ABCC8: variants seen among roughly 807,000 people sequenced by gnomAD.
ABCC8 encodes ATP-binding cassette sub-family C member 8.
A neutral mutation model predicts 188.0 loss-of-function variants in ABCC8; 137 were observed. That is an observed-to-expected ratio of 0.73 (90% CI 0.63 to 0.84). ABCC8 has a LOEUF of 0.84. Ranked by LOEUF, ABCC8 falls within the 40% of genes least tolerant of loss-of-function variation. ABCC8 has a pLI of 0.00. For missense variants in ABCC8, 1,750 were observed against 2,072.7 expected, an observed-to-expected ratio of 0.84 and a Z score of 3.02; for synonymous variants, 797 against 846.5, an observed-to-expected ratio of 0.94 and a Z score of 1.01.
Position 17,397,726 on chromosome 11 carries a change from G to T in ABCC8, c.3825C>A (p.Leu1275=), listed in dbSNP as rs1460453587. Residue 1275 remains leucine (L), a synonymous_variant, in exon 31 of 39, where the codon CTC becomes CTA. Transcript: ENST00000389817. ...GGCCCAGGCCCACCAGGCCAGCAGA[G>T]AGCTCCCTGTGCAGGGAGTTGGAGA... ...TSISNSLHRE[L]SAGLVGLGLT... is the part of the protein sequence containing the mutation. 1.2e-6 allele frequency: 2 copies of T among 1,613,792 alleles called. No homozygotes were observed. The highest frequency in any genetic ancestry group is 1.7e-6 in the Non-Finnish European group (2 of 1,180,008).
chr11:17,428,404 G>A lies in ABCC8; in HGVS notation c.1925C>T (p.Pro642Leu), dbSNP rs1386953915. 10 of 1,612,390 alleles carry A rather than the reference G, an allele frequency of 6.2e-6. No individual in the cohort carries two copies. The highest frequency in any genetic ancestry group is 7.6e-6 in the Non-Finnish European group (9 of 1,178,782). Residue 642 changes from proline (P) to leucine (L), a missense_variant and splice_region_variant, in exon 14 of 39, where the codon CCC (proline) becomes CTC (leucine). Pro to Leu is a moderately conservative substitution (Grantham distance 98). Transcript: ENST00000389817. ...ACGCTTGCGGTTCACAACCCTGAGGGGCTGGGGGTGGTTTGGAGGTGAGGA... is the reference window on the plus strand; with the variant it reads ...ACGCTTGCGGTTCACAACCCTGAGGAGCTGGGGGTGGTTTGGAGGTGAGGA... The part of the protein sequence containing the change: ...QGPASKYQAV[P>L]LRVVNRKRPA...
At chr11:17,422,982 A>T (rs1301946613) in intron 16 of ABCC8, among the ~76,000 whole-genome samples, 1 of 151,926 alleles carries the variant, frequency 6.6e-6, no homozygotes, top group East Asian at 1.9e-4. Context: ...CCACATCCGC[A>T]GTGAGCCTCC....
At chr11:17,444,021 A>AAGAGAG (rs112019394) in intron 8 of ABCC8, among the ~76,000 whole-genome samples, 1 of 150,964 alleles carries the variant, frequency 6.6e-6, no homozygotes, top group African/African-American at 2.4e-5. Flanking sequence ...CTTAGCTAAA[A>AAGAGAG]AGAGAGAGAG....
At chr11:17,396,768 GC>G in intron 33 of ABCC8, 147 bp downstream of exon 33, 1 of 1,016,856 alleles carries the variant, frequency 9.8e-7, no homozygotes, top group Non-Finnish European at 1.4e-6. Flanking sequence ...GCCCCCACAG[GC>G]CCAGGGCAGG....
chr11:17,436,585 A>G (rs559171739), intron 10 of ABCC8, among the ~76,000 whole-genome samples: 1 of 152,362 alleles, frequency 6.6e-6, no homozygotes, highest in East Asian at 1.9e-4. Context: ...TAGTGCTCAG[A>G]TCTTGAAAGT....
chr11:17,402,986 A>T lies in ABCC8; in HGVS notation c.3558-233T>A, dbSNP rs16934040. Reference sequence around the variant, plus strand: ...TAGACACAGCCTGATGTGGGGCACAATTACTGCTGTCCTGGGCATTGTCAA... The same window carrying T: ...TAGACACAGCCTGATGTGGGGCACATTTACTGCTGTCCTGGGCATTGTCAA... On this transcript the variant is annotated intron_variant, in intron 28 of 38. Coordinates refer to ENST00000389817, the MANE Select transcript of ABCC8 (RefSeq NM_000352.6). Among the ~76,000 whole-genome samples, 14,168 of 152,240 alleles carry T rather than the reference A, an allele frequency of 0.093. 2,191 individuals carry two copies. The highest frequency in any genetic ancestry group is 0.32 in the African/African-American group (13,172 of 41,490).
At chr11:17,421,332 G>A (rs1955333174) in intron 16 of ABCC8, among the ~76,000 whole-genome samples, 1 of 152,194 alleles carries the variant, frequency 6.6e-6, no homozygotes, top group Non-Finnish European at 1.5e-5. Context: ...AAATATTGAT[G>A]GAGAAGAGGG....
At position 17,423,356 on chromosome 11, in the gene ABCC8, C is replaced by CAAAAAAAAAA. The variant is rs58524307; in HGVS notation, c.2222+3683_2222+3692dup. The stretch of plus-strand genomic sequence containing the variant: ...TGGGCAACAGGGCGAGACTCCGTCT[C>CAAAAAAAAAA]AAAAAAAAAAAAAAAAAAAAAAAGC... On this transcript the variant is annotated intron_variant, in intron 16 of 38. Transcript: ENST00000389817. Among the ~76,000 whole-genome samples the CAAAAAAAAAA allele has an allele frequency of 9.5e-5, 6 of 63,334 alleles. 1 individual carries two copies. The highest frequency in any genetic ancestry group is 8.1e-5 in the Non-Finnish European group (3 of 37,058). 41.5% of individuals were successfully genotyped at this position (63,334 alleles called of 152,430 possible). A position where few individuals can be genotyped will look rare whatever the true frequency, so the allele number is the denominator to read the frequency against.
rs1847960688 is a variant in ABCC8, at chr11:17,463,570, G to T, written c.447C>A (p.Thr149=). 4 of 1,590,802 alleles carry T rather than the reference G, an allele frequency of 2.5e-6. No homozygotes were observed. Among genetic ancestry groups the T allele is most frequent in the East Asian group, 2.3e-5 (1 of 44,010 alleles). Residue 149 remains threonine (T), a synonymous_variant, in exon 4 of 39, where the codon ACC becomes ACA. Transcript: ENST00000389817. ...AGAACTTGACAAACTTGATGGTCTT[G>T]GTGATGAAGGCCAGGGTCCAATACA... The part of the protein sequence containing the change: ...LLVYWTLAFI[T]KTIKFVKFLD...
chr11:17,402,705 G>C lies in ABCC8; in HGVS notation c.3606C>G (p.His1202Gln). 1 of 1,614,234 alleles carries C rather than the reference G, an allele frequency of 6.2e-7. No individual in the cohort carries two copies. Among genetic ancestry groups the C allele is most frequent in the African/African-American group, 1.3e-5 (1 of 75,064 alleles). The change falls in exon 29 of 39, where the codon CAC (histidine) becomes CAG (glutamine). Residue 1202 changes from histidine to glutamine, a missense_variant. Physicochemically the swap from His to Gln is conservative, Grantham distance 24 (BLOSUM62 0). Coordinates refer to ENST00000389817, the MANE Select transcript of ABCC8 (RefSeq NM_000352.6). The stretch of plus-strand genomic sequence containing the variant: ...TGAGTCCTTCTACGGTTTCGGCAAA[G>C]TGTGAGAGAAGTGGAAGCTGGGTGG... The part of the protein sequence containing the change: ...DDTTQLPLLS[H>Q]FAETVEGLTT...
intron 12 of ABCC8, chr11:17,430,587 G>A (rs1368744611): frequency 3.4e-6 from 2 of 594,000 alleles, no homozygotes; most frequent in Non-Finnish European, 6.0e-6. Context: ...GTGACAGTGA[G>A]TCCCCTCTCC....
At chr11:17,425,367 T>G (rs1955534222) in intron 16 of ABCC8, among the ~76,000 whole-genome samples, 1 of 152,192 alleles carries the variant, frequency 6.6e-6, no homozygotes, top group African/African-American at 2.4e-5. Context: ...CATGTTGATA[T>G]TCAGACATTG....
At chr11:17,469,238 C>A (rs1162379252) in intron 3 of ABCC8, among the ~76,000 whole-genome samples, 4 of 152,040 alleles carry the variant, frequency 2.6e-5, no homozygotes, top group Admixed American at 6.6e-5. Context: ...ACCACCGATG[C>A]GTGCCACCAT....
At position 17,442,819 on chromosome 11, in the gene ABCC8, G is replaced by C. The variant is rs773345085; in HGVS notation, c.1531C>G (p.Leu511Val). Residue 511 changes from leucine (L) to valine (V), a missense_variant, in exon 10 of 39, where the codon CTG (leucine) becomes GTG (valine). Physicochemically the swap from Leu to Val is conservative, Grantham distance 32. Coordinates refer to ENST00000389817, the MANE Select transcript of ABCC8 (RefSeq NM_000352.6). ...EMLRGIKLLK[L>V]YAWENIFRTR... ...CGGAAGATGTTCTCCCAGGCGTACA[G>C]CTTCAGCAGCTTGATGCCGCGGAGC... 5.0e-6 allele frequency: 8 copies of C among 1,614,020 alleles called. No homozygotes were observed. The highest frequency in any genetic ancestry group is 6.8e-6 in the Non-Finnish European group (8 of 1,180,044).
intron 21 of ABCC8, among the ~76,000 whole-genome samples, chr11:17,412,026 G>A (rs1345140934): frequency 6.6e-6 from 1 of 151,556 alleles, no homozygotes; most frequent in African/African-American, 2.4e-5. Context: ...CGGAGTAGCT[G>A]GGACTACAGG....
At chr11:17,403,458 A>G (rs1357570373) in intron 28 of ABCC8, among the ~76,000 whole-genome samples, 1 of 152,108 alleles carries the variant, frequency 6.6e-6, no homozygotes, top group Non-Finnish European at 1.5e-5. Flanking sequence ...AGCACTTTGA[A>G]TTTTTTGAGT....
chr11:17,404,774 A>AT lies in ABCC8; in HGVS notation c.3400-106dup, dbSNP rs1435170761. 4 of 1,496,694 alleles carry AT rather than the reference A, an allele frequency of 2.7e-6. No individual in the cohort carries two copies. The highest frequency in any genetic ancestry group is 3.6e-6 in the Non-Finnish European group (4 of 1,104,092). The allele number at this position is 1,496,694 out of a possible 1,614,324, so 92.7% of individuals were successfully genotyped here. A position where few individuals can be genotyped will look rare whatever the true frequency, so the allele number is the denominator to read the frequency against. ...CTCTCACTTTATTTTTTGATCCTTT[A>AT]TTTTTTTGAGACTGAGTCTCACTGT... is the stretch of plus-strand genomic sequence containing the variant. On this transcript the variant is annotated intron_variant, in intron 27 of 38. Coordinates refer to ENST00000389817, the MANE Select transcript of ABCC8 (RefSeq NM_000352.6). This position sits in a 1 kb window ranked among gnomAD's most constrained non-coding sequence, Gnocchi z 4.7.
At chr11:17,450,260 C>CCT (rs1956718531) in intron 7 of ABCC8, among the ~76,000 whole-genome samples, 2 of 67,664 alleles carry the variant, frequency 3.0e-5, no homozygotes, top group Non-Finnish European at 5.9e-5. Flanking sequence ...TTCTTTCTTT[C>CCT]TCTTTCTTTC....
intron 10 of ABCC8, among the ~76,000 whole-genome samples, chr11:17,442,452 T>C (rs1956353472): frequency 6.6e-6 from 1 of 152,238 alleles, no homozygotes; most frequent in Non-Finnish European, 1.5e-5. Context: ...TGAAACTTCA[T>C]CTCTCTTCCT....
Sources: allele counts gnomAD v4.1 joint callset (sites outside exome capture counted in the v4.1 genomes callset), GRCh38; gene constraint gnomAD v4.1.1; non-coding constraint Gnocchi (gnomAD v3.1); transcripts MANE v1.5; gene names NCBI Gene and HGNC (gene_info 2026-07-23, HGNC 2026-07-21).